NFYA: variants seen among roughly 807,000 people sequenced by gnomAD.
The protein encoded by NFYA is nuclear transcription factor Y subunit alpha.
Under a neutral mutation model 52.8 loss-of-function variants are expected in NFYA, and 28 were observed. The ratio of observed to expected loss-of-function variants is 0.53; its 90% confidence interval spans 0.39 to 0.73. The LOEUF is 0.73. Ranked by LOEUF, NFYA falls within the 30% of genes least tolerant of loss-of-function variation. NFYA has a pLI of 0.00. For synonymous variants in NFYA, 150 were observed against 150.7 expected (o/e 1.00, Z 0.03); for missense variants, 234 against 427.0 (o/e 0.55, Z 3.98).
At chr6:41,078,890 A>T (rs930091884) in intron 1 of NFYA, 139 bp from the exon 2 acceptor site, 1 of 511,594 alleles carries the variant, frequency 2.0e-6, no homozygotes, top group Non-Finnish European at 3.5e-6. Context: ...GTTAAAAATG[A>T]TACTGAATAT....
chr6:41,076,822 TCA>T (rs1266913123), intron 1 of NFYA, among the ~76,000 whole-genome samples: 2 of 152,226 alleles, frequency 1.3e-5, no homozygotes, highest in African/African-American at 4.8e-5. Flanking sequence ...TAACTGAAGC[TCA>T]CAGTAGTAGG....
At chr6:41,080,308 A>T (rs1432963030) in intron 2 of NFYA, among the ~76,000 whole-genome samples, 2 of 149,740 alleles carry the variant, frequency 1.3e-5, no homozygotes, top group East Asian at 1.9e-4. Flanking sequence ...AATAAAGTTT[A>T]AAAAAAAAAG....
At position 41,094,420 on chromosome 6, in the gene NFYA, C is replaced by T. The variant is rs1361545423; in HGVS notation, c.913C>T (p.Arg305Cys). 3.1e-6 allele frequency: 5 copies of T among 1,614,104 alleles called. No homozygotes were observed. Among genetic ancestry groups the T allele is most frequent in the Non-Finnish European group, 3.4e-6 (4 of 1,179,972 alleles). The change falls in exon 9 of 10, where the codon CGT (arginine) becomes TGT (cysteine). Residue 305 changes from arginine to cysteine, a missense_variant. This residue lies in a region of NFYA where 81 missense variants were observed against 210.5 expected (regional missense o/e 0.38). Transcript: ENST00000341376. ...RRKYLHESRH[R>C]HAMARKRGEG... The stretch of plus-strand genomic sequence containing the variant: ...GAAATACCTGCATGAGTCTCGGCAC[C>T]GTCATGCCATGGCACGGAAGCGTGG...
intron 1 of NFYA, among the ~76,000 whole-genome samples, chr6:41,076,233 C>G (rs1422105351): frequency 6.6e-6 from 1 of 152,054 alleles, no homozygotes; most frequent in South Asian, 2.1e-4. Context: ...CATAGGGAGA[C>G]CCCCTCTCTT....
rs377112128 is a variant in NFYA, at chr6:41,091,511, G to A, written c.548-17G>A. The A allele has an allele frequency of 5.0e-6, 8 of 1,612,064 alleles. No homozygotes were observed. The African/African-American group carries it at 9.4e-5, about 19-fold the overall frequency. ...TGTGCCTGTTTTTTGTTTGTTTTATGTTTTGTTTTCTTAAAGTTACAGTCC... is the reference window on the plus strand; with the variant it reads ...TGTGCCTGTTTTTTGTTTGTTTTATATTTTGTTTTCTTAAAGTTACAGTCC... On this transcript the variant is annotated splice_polypyrimidine_tract_variant and intron_variant, in intron 6 of 9. Coordinates refer to ENST00000341376, the MANE Select transcript of NFYA (RefSeq NM_002505.5).
chr6:41,074,491 A>T (rs531910639), intron 1 of NFYA, among the ~76,000 whole-genome samples: 145 of 152,352 alleles, frequency 9.5e-4, no homozygotes, highest in Middle Eastern at 3.4e-3. Flanking sequence ...GCCTCCGTGA[A>T]AGGCTTATCA....
intron 3 of NFYA, 53 bp downstream of exon 3, chr6:41,080,950 A>C: frequency 2.1e-6 from 3 of 1,395,450 alleles, no homozygotes; most frequent in Non-Finnish European, 3.1e-6. Flanking sequence ...TCCTCTCCTC[A>C]TGTCTGGTGC....
At chr6:41,085,873 G>A (rs900845660) in intron 4 of NFYA, among the ~76,000 whole-genome samples, 3 of 152,086 alleles carry the variant, frequency 2.0e-5, no homozygotes, top group Non-Finnish European at 1.5e-5. Flanking sequence ...ATTTGGGCAC[G>A]ATAGTTTTAT....
intron 9 of NFYA, among the ~76,000 whole-genome samples, chr6:41,095,826 T>G (rs1420850570): frequency 6.6e-6 from 1 of 152,238 alleles, no homozygotes; most frequent in African/African-American, 2.4e-5. Context: ...GAGGATTGTT[T>G]CGTTCTCTGT....
Position 41,100,839 on chromosome 6 carries a change from C to A in NFYA, c.*3429C>A, listed in dbSNP as rs1764479183. Reference sequence around the variant, plus strand: ...CGCCGCACCTCCAGCCCCTTCTCCCCGGGGAAGTAGGCCCCGCTAAGAATG... The same window carrying A: ...CGCCGCACCTCCAGCCCCTTCTCCCAGGGGAAGTAGGCCCCGCTAAGAATG... On this transcript the variant is annotated 3_prime_UTR_variant, in exon 10 of 10. Transcript: ENST00000341376. 6.6e-6 allele frequency among the ~76,000 whole-genome samples: 1 copy of A among 152,344 alleles called. No individual in the cohort carries two copies. Among genetic ancestry groups the A allele is most frequent in the East Asian group, 1.9e-4 (1 of 5,174 alleles).
chr6:41,091,061 T>G (rs943539057), intron 6 of NFYA, among the ~76,000 whole-genome samples: 3 of 152,210 alleles, frequency 2.0e-5, no homozygotes, highest in African/African-American at 7.2e-5. Context: ...GGTGAACAAA[T>G]CCTCAAGTGC....
At chr6:41,079,188 A>G (rs745520252) in intron 2 of NFYA, 24 bp downstream of exon 2, 1 of 1,607,778 alleles carries the variant, frequency 6.2e-7, no homozygotes, top group Non-Finnish European at 8.5e-7. Flanking sequence ...ACTGCTTTAA[A>G]CATTACAGCA....
In NFYA at chr6:41,100,255, A is replaced by G. The variant is rs1430404344; in HGVS notation, c.*2845A>G. Among the ~76,000 whole-genome samples the G allele has an allele frequency of 9.2e-5, 14 of 152,224 alleles. No individual in the cohort carries two copies. Among genetic ancestry groups the G allele is most frequent in the Non-Finnish European group, 2.1e-4 (14 of 68,034 alleles). ...TATCAAAATGTGATGAAGTAATTCC[A>G]TGAGGAAAATTAGCCGTTATCACAA... On this transcript the variant is annotated 3_prime_UTR_variant, in exon 10 of 10. Transcript: ENST00000341376.
chr6:41,095,326 C>T (rs9296355), intron 9 of NFYA, among the ~76,000 whole-genome samples: 33,706 of 152,112 alleles, frequency 0.22, 5,413 homozygotes, highest in African/African-American at 0.45. Flanking sequence ...CTTCCTGCCA[C>T]GGGTCTTTGT....
At chr6:41,078,579 A>C (rs1208049622) in intron 1 of NFYA, among the ~76,000 whole-genome samples, 1 of 152,160 alleles carries the variant, frequency 6.6e-6, no homozygotes, top group Non-Finnish European at 1.5e-5. Context: ...TGGATCTTCA[A>C]CTCTTAAAGT....
Position 41,100,991 on chromosome 6 carries a change from G to A in NFYA, c.*3581G>A, listed in dbSNP as rs1582043464. Reference sequence around the variant, plus strand: ...AGGCGGATTGGCTGCTACGCGGCTGGGCCCTGTTTCCGGTACCTAGGCGGG... The same window carrying A: ...AGGCGGATTGGCTGCTACGCGGCTGAGCCCTGTTTCCGGTACCTAGGCGGG... On this transcript the variant is annotated 3_prime_UTR_variant, in exon 10 of 10. Coordinates refer to ENST00000341376, the MANE Select transcript of NFYA (RefSeq NM_002505.5). 6.6e-6 allele frequency: 1 copy of A among 152,398 alleles called. No homozygotes were observed. Among genetic ancestry groups the A allele is most frequent in the East Asian group, 1.9e-4 (1 of 5,168 alleles). 9.4% of individuals were successfully genotyped at this position (152,398 alleles called of 1,614,324 possible). A position where few individuals can be genotyped will look rare whatever the true frequency, so the allele number is the denominator to read the frequency against.
At chr6:41,093,136 CT>C in intron 8 of NFYA, 51 bp downstream of exon 8, 1 of 1,517,976 alleles carries the variant, frequency 6.6e-7, no homozygotes. Context: ...CAGGGTTCTA[CT>C]TTTGAAATTA....
intron 4 of NFYA, among the ~76,000 whole-genome samples, chr6:41,085,503 G>A (rs561599408): frequency 1.4e-4 from 22 of 152,218 alleles, no homozygotes; most frequent in African/African-American, 5.3e-4. Context: ...AACCCCCCAT[G>A]AGTATATGTT....
At chr6:41,076,565 T>C (rs1763737439) in intron 1 of NFYA, among the ~76,000 whole-genome samples, 1 of 152,192 alleles carries the variant, frequency 6.6e-6, no homozygotes, top group African/African-American at 2.4e-5. Flanking sequence ...GTTGGCTAAG[T>C]CTCAGCTTTT....
Sources: gnomAD v4.1 joint callset for allele counts (sites outside exome capture counted in the v4.1 genomes callset) on GRCh38, gnomAD v4.1.1 for gene constraint, gnomAD v4.1.1 regional missense constraint, MANE v1.5 for transcripts, NCBI Gene and HGNC (gene_info 2026-07-23, HGNC 2026-07-21) for gene names.